The following CHCHD3 variants were observed in gnomAD, a reference collection of about 807,000 sequenced individuals.
CHCHD3 encodes the protein MICOS complex subunit MIC19.
A neutral mutation model predicts 38.2 loss-of-function variants in CHCHD3; 20 were observed. That is an observed-to-expected ratio of 0.52 (90% CI 0.37 to 0.76). The LOEUF (loss-of-function observed/expected upper bound fraction) is 0.76. Ranked by LOEUF, CHCHD3 falls within the 30% of genes least tolerant of loss-of-function variation. The pLI is 0.00. For synonymous variants in CHCHD3, 82 were observed against 100.0 expected (o/e 0.82, Z 1.07); for missense variants, 245 against 279.2 (o/e 0.88, Z 0.87).
chr7:133,033,805 A>G (rs117452473), intron 2 of CHCHD3, among the ~76,000 whole-genome samples: 189 of 152,236 alleles, frequency 1.2e-3, no homozygotes, highest in Non-Finnish European at 2.6e-3. Context: ...AATTTTCCTT[A>G]GGGTAATCAA....
At chr7:132,825,366 G>A (rs771393121) in intron 6 of CHCHD3, among the ~76,000 whole-genome samples, 12 of 152,180 alleles carry the variant, frequency 7.9e-5, no homozygotes, top group Non-Finnish European at 1.3e-4. Context: ...TAGGTCTGCT[G>A]GCAATATCCA....
chr7:132,871,066 A>G (rs1340670492), intron 5 of CHCHD3, among the ~76,000 whole-genome samples: 1 of 152,212 alleles, frequency 6.6e-6, no homozygotes, highest in African/African-American at 2.4e-5. Flanking sequence ...TGAAGCACAG[A>G]ATTTCATCAT....
chr7:132,959,200 T>C (rs1811252080), intron 4 of CHCHD3, among the ~76,000 whole-genome samples: 1 of 152,182 alleles, frequency 6.6e-6, no homozygotes, highest in Non-Finnish European at 1.5e-5. Flanking sequence ...AAATGAGCTC[T>C]AACTCCCAAA....
At chr7:132,886,539 A>G (rs957876183) in intron 4 of CHCHD3, among the ~76,000 whole-genome samples, 6 of 151,734 alleles carry the variant, frequency 4.0e-5, no homozygotes, top group African/African-American at 1.4e-4. Flanking sequence ...ACTTTCCTAT[A>G]TCACTCTGAG....
chr7:132,944,402 CG>C (rs1810845074), intron 4 of CHCHD3, among the ~76,000 whole-genome samples: 1 of 146,348 alleles, frequency 6.8e-6, no homozygotes, highest in Non-Finnish European at 1.5e-5. Context: ...TTAGCATTGT[CG>C]GGAATAGTAA....
intron 5 of CHCHD3, among the ~76,000 whole-genome samples, chr7:132,884,656 G>A (rs114446820): frequency 6.6e-5 from 10 of 152,022 alleles, no homozygotes; most frequent in Non-Finnish European, 1.2e-4. Context: ...AAATTTGGAG[G>A]GTTTCATTCA....
intron 4 of CHCHD3, among the ~76,000 whole-genome samples, chr7:132,918,701 A>C (rs139070411): frequency 4.2e-4 from 64 of 152,350 alleles, no homozygotes; most frequent in Middle Eastern, 3.4e-3. Context: ...AATCCTCCAC[A>C]GTCCTCTTGC....
Position 132,818,593 on chromosome 7 carries a change from A to C in CHCHD3, c.524+19806T>G, listed in dbSNP as rs117261774. 7.0e-4 allele frequency among the ~76,000 whole-genome samples: 106 copies of C among 152,366 alleles called. 4 individuals carry two copies. The East Asian group carries it at 0.018, about 26-fold the overall frequency. Reference sequence around the variant, plus strand: ...ATGAAGTATTTAATTGGTGTTCTTGATAGACAGTTACCTGACTTGAAGATG... The same window carrying C: ...ATGAAGTATTTAATTGGTGTTCTTGCTAGACAGTTACCTGACTTGAAGATG... On this transcript the variant is annotated intron_variant, in intron 6 of 7. Coordinates refer to ENST00000262570, the MANE Select transcript of CHCHD3 (RefSeq NM_017812.4).
At chr7:132,820,491 A>G (rs1807333852) in intron 6 of CHCHD3, among the ~76,000 whole-genome samples, 1 of 152,104 alleles carries the variant, frequency 6.6e-6, no homozygotes, top group South Asian at 2.1e-4. Flanking sequence ...CACTCTCTAT[A>G]GGAATTTATC....
chr7:132,826,059 C>T (rs1008667167), intron 6 of CHCHD3, among the ~76,000 whole-genome samples: 1 of 152,188 alleles, frequency 6.6e-6, no homozygotes, highest in Admixed American at 6.5e-5. Flanking sequence ...ATAAACCATG[C>T]TGAATGCATC....
chr7:132,949,340 C>T (rs894214241), intron 4 of CHCHD3, among the ~76,000 whole-genome samples: 1 of 152,092 alleles, frequency 6.6e-6, no homozygotes, highest in African/African-American at 2.4e-5. Flanking sequence ...AGAGGACAAA[C>T]GCCTATTTCC....
At chr7:132,913,745 T>C (rs903745820) in intron 4 of CHCHD3, among the ~76,000 whole-genome samples, 18 of 152,122 alleles carry the variant, frequency 1.2e-4, no homozygotes, top group African/African-American at 4.3e-4. Context: ...GCCAGGTTAC[T>C]AGCAGCAGAG....
chr7:133,065,152 CA>C (rs1814632757), intron 2 of CHCHD3, among the ~76,000 whole-genome samples: 1 of 151,840 alleles, frequency 6.6e-6, no homozygotes, highest in South Asian at 2.1e-4. Context: ...GATAACGCAG[CA>C]AAAAAATTGA....
intron 2 of CHCHD3, among the ~76,000 whole-genome samples, chr7:133,047,862 C>A (rs1814039318): frequency 6.6e-6 from 1 of 152,020 alleles, no homozygotes; most frequent in South Asian, 2.1e-4. Context: ...CGGAGGTGGG[C>A]AGATCACCAG....
At chr7:133,049,203 C>T (rs1388744958) in intron 2 of CHCHD3, among the ~76,000 whole-genome samples, 1 of 152,106 alleles carries the variant, frequency 6.6e-6, no homozygotes, top group Non-Finnish European at 1.5e-5. Context: ...ATGCCTTTAC[C>T]CCTAAATATT....
intron 4 of CHCHD3, among the ~76,000 whole-genome samples, chr7:132,886,484 A>G (rs1254999064): frequency 6.6e-6 from 1 of 151,716 alleles, no homozygotes; most frequent in African/African-American, 2.4e-5. Context: ...TAATGTTGGT[A>G]TCTTGAATAT....
intron 4 of CHCHD3, among the ~76,000 whole-genome samples, chr7:132,901,963 G>T (rs1585620933): frequency 6.6e-6 from 1 of 152,216 alleles, no homozygotes; most frequent in Middle Eastern, 3.4e-3. Context: ...ATGGTTTTAG[G>T]TCTAACATTT....
At chr7:132,934,873 T>C (rs1810599205) in intron 4 of CHCHD3, among the ~76,000 whole-genome samples, 1 of 152,212 alleles carries the variant, frequency 6.6e-6, no homozygotes, top group African/African-American at 2.4e-5. Flanking sequence ...TCTCAATTTC[T>C]ATTTATAACA....
intron 2 of CHCHD3, among the ~76,000 whole-genome samples, chr7:133,039,437 AC>A (rs1164824308): frequency 1.3e-5 from 2 of 152,236 alleles, no homozygotes; most frequent in African/African-American, 4.8e-5. Context: ...ATTTTAAAAT[AC>A]CAAGTCTTTT....
Sources: gnomAD v4.1 joint callset for allele counts (sites outside exome capture counted in the v4.1 genomes callset) on GRCh38, gnomAD v4.1.1 for gene constraint, MANE v1.5 for transcripts, NCBI Gene and HGNC (gene_info 2026-07-23, HGNC 2026-07-21) for gene names.